The following ACSS3 variants were observed in gnomAD, a reference collection of about 807,000 sequenced individuals.
ACSS3 encodes acyl-CoA synthetase short chain family member 3.
In ACSS3, 64 loss-of-function variants were observed where a neutral mutation model predicts 84.2. The ratio of observed to expected loss-of-function variants is 0.76; its 90% confidence interval spans 0.62 to 0.94. The LOEUF (loss-of-function observed/expected upper bound fraction) is 0.94. ACSS3 is among the 40% of genes least tolerant of loss of function. ACSS3 has a pLI of 0.00. For missense variants in ACSS3, 815 were observed against 867.6 expected, an observed-to-expected ratio of 0.94 and a Z score of 0.76; for synonymous variants, 317 against 310.1, an observed-to-expected ratio of 1.02 and a Z score of -0.23.
chr12:81,151,920 G>T lies in ACSS3; in HGVS notation c.998G>T (p.Gly333Val), dbSNP rs764713915. 21 of 1,613,700 alleles carry T rather than the reference G, an allele frequency of 1.3e-5. No homozygotes were observed. Among genetic ancestry groups the T allele is most frequent in the East Asian group, 2.2e-5 (1 of 44,868 alleles). ...TCTTCCATATACGGACTTCAACCCG[G>T]AGAGGTAATCGTGGTTTTAAATTTA... ...SMSSIYGLQP[G>V]EVWWAASDLG... is the part of the protein sequence containing the mutation. The change falls in exon 6 of 16, where the codon GGA becomes GTA. Residue 333 changes from glycine to valine, a missense_variant. By Grantham distance (109) the Gly-to-Val change is moderately radical. Coordinates refer to ENST00000548058, the MANE Select transcript of ACSS3 (RefSeq NM_024560.4).
At position 81,253,569 on chromosome 12, in the gene ACSS3, G is replaced by A; in HGVS notation, c.1894G>A (p.Ala632Thr). ...HVRQNIGPVA[A>T]FRNAVFVKQL... Reference sequence around the variant, plus strand: ...TAGACAGAACATTGGCCCTGTGGCTGCTTTTCGAAATGCAGTGTTTGTCAA... The same window carrying A: ...TAGACAGAACATTGGCCCTGTGGCTACTTTTCGAAATGCAGTGTTTGTCAA... Residue 632 changes from alanine (A) to threonine (T), a missense_variant, in exon 15 of 16, where the codon GCT becomes ACT. Physicochemically the swap from Ala to Thr is moderately conservative, Grantham distance 58. Coordinates refer to ENST00000548058, the MANE Select transcript of ACSS3 (RefSeq NM_024560.4). The A allele has an allele frequency of 6.2e-7, 1 of 1,613,980 alleles. No homozygotes were observed. Among genetic ancestry groups the A allele is most frequent in the Non-Finnish European group, 8.5e-7 (1 of 1,179,932 alleles).
intron 9 of ACSS3, among the ~76,000 whole-genome samples, chr12:81,209,212 A>C (rs2032483101): frequency 6.6e-6 from 1 of 152,082 alleles, no homozygotes; most frequent in South Asian, 2.1e-4. Context: ...CAGGGACTGG[A>C]CTGTTGGTCC....
At chr12:81,219,190 A>G (rs1318343034) in intron 10 of ACSS3, among the ~76,000 whole-genome samples, 2 of 152,154 alleles carry the variant, frequency 1.3e-5, no homozygotes, top group East Asian at 1.9e-4. Flanking sequence ...ATTTAGGGAA[A>G]CAAAGATAAA....
At chr12:81,239,772 A>G (rs558840383) in intron 13 of ACSS3, among the ~76,000 whole-genome samples, 5 of 152,170 alleles carry the variant, frequency 3.3e-5, no homozygotes, top group Non-Finnish European at 5.9e-5. Flanking sequence ...ATGGGTACAC[A>G]GCCAAACCGT....
chr12:81,130,514 A>T (rs936674833), intron 2 of ACSS3, among the ~76,000 whole-genome samples: 2 of 152,152 alleles, frequency 1.3e-5, no homozygotes, highest in African/African-American at 4.8e-5. Flanking sequence ...TTCTTTGTAG[A>T]TTCTGGATAT....
rs570540550 is a variant in ACSS3, at chr12:81,219,314, A to T, written c.1451-699A>T. Reference sequence around the variant, plus strand: ...AGGAACACAAAGAAGGGAACAATTAATTTTTTTCTGAGAGCAACAACCTTC... The same window carrying T: ...AGGAACACAAAGAAGGGAACAATTATTTTTTTTCTGAGAGCAACAACCTTC... On this transcript the variant is annotated intron_variant, in intron 10 of 15. Transcript: ENST00000548058. Among the ~76,000 whole-genome samples the T allele has an allele frequency of 2.0e-5, 3 of 152,234 alleles. No homozygotes were observed. The South Asian group carries it at 6.2e-4, about 32-fold the overall frequency.
chr12:81,198,824 G>A (rs2135894580), intron 8 of ACSS3, among the ~76,000 whole-genome samples: 1 of 152,108 alleles, frequency 6.6e-6, no homozygotes, highest in East Asian at 1.9e-4. Context: ...TCCTACATAT[G>A]TCCTTGGAAT....
chr12:81,229,514 T>G (rs1354100852), intron 11 of ACSS3, among the ~76,000 whole-genome samples: 1 of 151,892 alleles, frequency 6.6e-6, no homozygotes, highest in Non-Finnish European at 1.5e-5. Flanking sequence ...ATATTAACAA[T>G]TAAAACAAAC....
intron 7 of ACSS3, among the ~76,000 whole-genome samples, chr12:81,159,070 A>G (rs1887023018): frequency 6.6e-6 from 1 of 152,216 alleles, no homozygotes; most frequent in Non-Finnish European, 1.5e-5. Flanking sequence ...TTTTCTATCA[A>G]TGAGTAAGAG....
intron 13 of ACSS3, among the ~76,000 whole-genome samples, chr12:81,235,662 A>G (rs533444685): frequency 5.3e-5 from 8 of 151,572 alleles, no homozygotes; most frequent in Non-Finnish European, 1.0e-4. Flanking sequence ...TTTCTTAAAT[A>G]CTTTGTACTT....
intron 7 of ACSS3, among the ~76,000 whole-genome samples, chr12:81,157,931 TACAC>T (rs35855433): frequency 0.28 from 40,717 of 144,012 alleles, 5,934 homozygotes; most frequent in Middle Eastern, 0.37. Context: ...GATTACAGAA[TACAC>T]ACACACACAC....
chr12:81,158,160 G>A (rs75322992), intron 7 of ACSS3, among the ~76,000 whole-genome samples: 1 of 152,016 alleles, frequency 6.6e-6, no homozygotes, highest in Non-Finnish European at 1.5e-5. Flanking sequence ...ACATATTGTA[G>A]TTTTGCAGTT....
intron 1 of ACSS3, among the ~76,000 whole-genome samples, chr12:81,101,305 T>G (rs1393626473): frequency 1.3e-5 from 2 of 152,148 alleles, no homozygotes; most frequent in Non-Finnish European, 2.9e-5. Flanking sequence ...CCATTAAAAT[T>G]TATATTTTTT....
chr12:81,254,958 T>C lies in ACSS3; in HGVS notation c.*36T>C. 1 of 1,470,696 alleles carries C rather than the reference T, an allele frequency of 6.8e-7. No individual in the cohort carries two copies. Among genetic ancestry groups the C allele is most frequent in the Non-Finnish European group, 9.2e-7 (1 of 1,082,652 alleles). The allele number at this position is 1,470,696 out of a possible 1,614,324, so 91.1% of individuals were successfully genotyped here. A position where few individuals can be genotyped will look rare whatever the true frequency, so the allele number is the denominator to read the frequency against. On this transcript the variant is annotated 3_prime_UTR_variant, in exon 16 of 16. Transcript: ENST00000548058. The stretch of plus-strand genomic sequence containing the variant: ...TTATTCCTATTTTGAGTTGATTTAA[T>C]TTCTTAATTGAAATTAAATTATTTG...
In ACSS3 at chr12:81,134,865, A is replaced by G; in HGVS notation, c.506A>G (p.Asp169Gly). 1 of 1,596,704 alleles carries G rather than the reference A, an allele frequency of 6.3e-7. No homozygotes were observed. The highest frequency in any genetic ancestry group is 8.5e-7 in the Non-Finnish European group (1 of 1,170,226). Reference protein sequence around the residue: ...VLVKHGIKKGDTVVIYMPMIP... With the variant: ...VLVKHGIKKGGTVVIYMPMIP... The stretch of plus-strand genomic sequence containing the variant: ...GTCAAGCATGGCATCAAGAAAGGTG[A>G]CACTGTGGTTATCTACATGCCTATG... The change falls in exon 3 of 16, where the codon GAC (aspartate) becomes GGC (glycine). Residue 169 changes from aspartate to glycine, a missense_variant. Transcript: ENST00000548058.
chr12:81,100,216 G>GT (rs34512313), intron 1 of ACSS3, among the ~76,000 whole-genome samples: 5,166 of 106,530 alleles, frequency 0.048, 147 homozygotes, highest in Non-Finnish European at 0.058. Flanking sequence ...AAAATTACCA[G>GT]TTTTTTTTTT....
rs1397256536 is a variant in ACSS3, at chr12:81,253,669, A to C, written c.1994A>C (p.Lys665Thr). The C allele has an allele frequency of 2.5e-6, 4 of 1,609,934 alleles. No individual in the cohort carries two copies. In the East Asian group the frequency reaches 8.9e-5, roughly 36 times the overall value. Residue 665 changes from lysine (K) to threonine (T), a missense_variant and splice_region_variant, in exon 15 of 16, where the codon AAG (lysine) becomes ACG (threonine). By Grantham distance (78) the Lys-to-Thr change is moderately conservative. Coordinates refer to ENST00000548058, the MANE Select transcript of ACSS3 (RefSeq NM_024560.4). Reference sequence around the variant, plus strand: ...GCCATTGTCAATGGCAAGCCATACAAGGTAAATTATCAAAGATATTTATTC... The same window carrying C: ...GCCATTGTCAATGGCAAGCCATACACGGTAAATTATCAAAGATATTTATTC... The part of the protein sequence containing the change: ...LSAIVNGKPY[K>T]ITSTIEDPSI...
chr12:81,221,992 A>C (rs2033126771), intron 11 of ACSS3, among the ~76,000 whole-genome samples: 1 of 152,082 alleles, frequency 6.6e-6, no homozygotes, highest in Non-Finnish European at 1.5e-5. Flanking sequence ...GCTTCACCCC[A>C]CATCCATTCA....
At position 81,257,525 on chromosome 12, in the gene ACSS3, G is replaced by A. The variant is rs1684289551; in HGVS notation, c.*2603G>A. The A allele has an allele frequency of 6.6e-6, 1 of 152,034 alleles. No homozygotes were observed. The highest frequency in any genetic ancestry group is 2.4e-5 in the African/African-American group (1 of 41,420). The allele number at this position is 152,034 out of a possible 1,614,324, so 9.4% of individuals were successfully genotyped here. On this transcript the variant is annotated 3_prime_UTR_variant, in exon 16 of 16. Coordinates refer to ENST00000548058, the MANE Select transcript of ACSS3 (RefSeq NM_024560.4). ...GAGGTCTTCGTTTGGTATTTTCATA[G>A]GATTTCTTACTGTTAAGTTATTGGA...
Sources: allele counts gnomAD v4.1 joint callset (sites outside exome capture counted in the v4.1 genomes callset), GRCh38; gene constraint gnomAD v4.1.1; transcripts MANE v1.5; gene names NCBI Gene and HGNC (gene_info 2026-07-23, HGNC 2026-07-21).